Variants in DCC observed in about 807,000 individuals in gnomAD.
The protein encoded by DCC is DCC netrin 1 receptor, also known as netrin receptor DCC.
Under a neutral mutation model 172.5 loss-of-function variants are expected in DCC, and 58 were observed. The observed-to-expected ratio is 0.34, with a 90% CI of 0.27 to 0.42. The LOEUF (loss-of-function observed/expected upper bound fraction) is 0.42, where lower values mean the gene tolerates loss of function less well. DCC is among the 10% of genes least tolerant of loss of function. DCC has a pLI of 1.00. For synonymous variants in DCC, 709 were observed against 644.5 expected (o/e 1.10, Z -1.52); for missense variants, 1,740 against 1,791.0 (o/e 0.97, Z 0.51).
intron 7 of DCC, among the ~76,000 whole-genome samples, chr18:53,122,549 A>G (rs1309920855): frequency 1.3e-5 from 2 of 152,054 alleles, no homozygotes; most frequent in Non-Finnish European, 2.9e-5. Context: ...TTTCTGTAAA[A>G]TTCAGTAGTC....
chr18:52,904,862 A>G (rs906969974), intron 2 of DCC, among the ~76,000 whole-genome samples: 2 of 152,248 alleles, frequency 1.3e-5, no homozygotes, highest in Non-Finnish European at 2.9e-5. Context: ...GCAAACATAA[A>G]TAATTATTAA....
chr18:52,827,118 T>A (rs1448810193), intron 2 of DCC, among the ~76,000 whole-genome samples: 1 of 152,130 alleles, frequency 6.6e-6, no homozygotes, highest in Non-Finnish European at 1.5e-5. Context: ...ACGTGAATGA[T>A]CAGTCTAGCA....
At chr18:52,997,885 A>C (rs1352850334) in intron 5 of DCC, among the ~76,000 whole-genome samples, 1 of 151,930 alleles carries the variant, frequency 6.6e-6, no homozygotes, top group Non-Finnish European at 1.5e-5. Context: ...AAATTTCAAC[A>C]TCAAGACCCA....
At chr18:52,560,066 A>G (rs540263914) in intron 1 of DCC, among the ~76,000 whole-genome samples, 2 of 152,322 alleles carry the variant, frequency 1.3e-5, no homozygotes, top group Non-Finnish European at 2.9e-5. Flanking sequence ...TATTTAAATA[A>G]CAAAGAAAAA....
intron 5 of DCC, among the ~76,000 whole-genome samples, chr18:53,025,289 T>TA (rs1568252777): frequency 6.6e-6 from 1 of 152,160 alleles, no homozygotes; most frequent in East Asian, 1.9e-4. Context: ...TTGGTAGGAA[T>TA]AAAAAAATAA....
At chr18:52,729,685 G>T (rs925664710) in intron 1 of DCC, among the ~76,000 whole-genome samples, 5 of 152,300 alleles carry the variant, frequency 3.3e-5, no homozygotes, top group Admixed American at 1.3e-4. Context: ...TAAAGTCAGT[G>T]AAAGAAATAT....
chr18:52,673,688 T>A (rs780250407), intron 1 of DCC, among the ~76,000 whole-genome samples: 2 of 152,256 alleles, frequency 1.3e-5, no homozygotes, highest in Non-Finnish European at 2.9e-5. Context: ...ACCTTGATGG[T>A]GTAAAGAAGA....
intron 5 of DCC, among the ~76,000 whole-genome samples, chr18:53,033,407 C>A (rs141420955): frequency 3.6e-4 from 55 of 152,232 alleles, no homozygotes; most frequent in African/African-American, 1.3e-3. Flanking sequence ...GCAATGTTTC[C>A]TTTCTCCTCA....
chr18:52,870,503 G>A (rs933879268), intron 2 of DCC, among the ~76,000 whole-genome samples: 2 of 152,150 alleles, frequency 1.3e-5, no homozygotes, highest in Admixed American at 6.5e-5. Context: ...GGGTGAGAAC[G>A]GCTTTAATTC....
intron 19 of DCC, 74 bp from the exon 20 acceptor site, chr18:53,410,378 G>A (rs575659187): frequency 9.0e-6 from 8 of 885,614 alleles, no homozygotes; most frequent in East Asian, 2.4e-5. Context: ...TTACATTTGG[G>A]AAACCTGGGT....
chr18:53,468,108 CT>C, intron 25 of DCC, 98 bp downstream of exon 25: 1 of 745,936 alleles, frequency 1.3e-6, no homozygotes, highest in Non-Finnish European at 2.4e-6. Context: ...ATAATTTTCC[CT>C]GAACTTTCTG....
At chr18:52,518,063 T>A (rs2031695248) in intron 1 of DCC, among the ~76,000 whole-genome samples, 2 of 152,242 alleles carry the variant, frequency 1.3e-5, no homozygotes, top group African/African-American at 2.4e-5. Flanking sequence ...ATTGTTTTCC[T>A]GTAAACTGTG....
At chr18:53,458,905 C>A (rs989504559) in intron 23 of DCC, among the ~76,000 whole-genome samples, 1 of 152,152 alleles carries the variant, frequency 6.6e-6, no homozygotes, top group Non-Finnish European at 1.5e-5. Context: ...GTACCTTATG[C>A]CTGGCTCCAA....
At chr18:52,433,966 C>T (rs1432329559) in intron 1 of DCC, among the ~76,000 whole-genome samples, 1 of 152,116 alleles carries the variant, frequency 6.6e-6, no homozygotes. Flanking sequence ...AAAAATCACA[C>T]ATGTAGGTCC....
chr18:53,284,094 G>A (rs936321757), intron 12 of DCC, among the ~76,000 whole-genome samples: 5 of 152,170 alleles, frequency 3.3e-5, no homozygotes, highest in East Asian at 1.9e-4. Flanking sequence ...TCATTTGCAC[G>A]TGGCATTTTA....
chr18:52,683,510 T>C (rs1371332965), intron 1 of DCC, among the ~76,000 whole-genome samples: 1 of 152,096 alleles, frequency 6.6e-6, no homozygotes, highest in Non-Finnish European at 1.5e-5. Flanking sequence ...TTAATTGACA[T>C]ATTGATTGAA....
intron 2 of DCC, among the ~76,000 whole-genome samples, chr18:52,817,688 C>T (rs12607497): frequency 0.31 from 47,698 of 151,564 alleles, 7,755 homozygotes; most frequent in Middle Eastern, 0.4. Context: ...TATGTACACG[C>T]ATGCATACAT....
chr18:52,907,343 T>A (rs1032234600), intron 3 of DCC, among the ~76,000 whole-genome samples: 2 of 150,530 alleles, frequency 1.3e-5, no homozygotes, highest in African/African-American at 4.9e-5. Context: ...GATATATACA[T>A]ATATCATGTA....
At chr18:52,636,357 C>T (rs1047963868) in intron 1 of DCC, among the ~76,000 whole-genome samples, 3 of 143,570 alleles carry the variant, frequency 2.1e-5, no homozygotes, top group African/African-American at 5.3e-5. Context: ...GGGGAGGGCA[C>T]GAATTGGGGA....
Sources: allele counts gnomAD v4.1 joint callset (sites outside exome capture counted in the v4.1 genomes callset), GRCh38; gene constraint gnomAD v4.1.1; transcripts MANE v1.5; gene names NCBI Gene and HGNC (gene_info 2026-07-23, HGNC 2026-07-21).